The following SH3RF1 variants were observed in gnomAD, a reference collection of about 807,000 sequenced individuals.
SH3RF1 encodes the protein SH3 domain containing ring finger 1, also known as E3 ubiquitin-protein ligase SH3RF1.
In SH3RF1, 32 loss-of-function variants were observed where a neutral mutation model predicts 74.0. That is an observed-to-expected ratio of 0.43 (90% CI 0.33 to 0.58). The LOEUF (loss-of-function observed/expected upper bound fraction) is 0.58. SH3RF1 is among the 20% of genes least tolerant of loss of function. SH3RF1 has a pLI of 0.05. For missense variants in SH3RF1, 954 were observed against 1,130.9 expected (o/e 0.84, Z 2.24); for synonymous variants, 396 against 439.6 (o/e 0.90, Z 1.24).
chr4:169,161,247 CTG>C (rs1734144780), intron 2 of SH3RF1, among the ~76,000 whole-genome samples: 1 of 152,210 alleles, frequency 6.6e-6, no homozygotes, highest in Non-Finnish European at 1.5e-5. Flanking sequence ...GACAGGCAAA[CTG>C]TTACAGTAAT....
intron 2 of SH3RF1, among the ~76,000 whole-genome samples, chr4:169,198,610 T>C (rs1228344122): frequency 1.3e-5 from 2 of 152,158 alleles, no homozygotes; most frequent in Non-Finnish European, 2.9e-5. Context: ...TGAACTTTTT[T>C]AGAGCATCTA....
chr4:169,219,401 G>A (rs1730525386), intron 2 of SH3RF1, among the ~76,000 whole-genome samples: 1 of 152,080 alleles, frequency 6.6e-6, no homozygotes, highest in South Asian at 2.1e-4. Flanking sequence ...ACTCCAGTTA[G>A]GTATATATTC....
At position 169,268,900 on chromosome 4, in the gene SH3RF1, C is replaced by T. The variant is rs779861773; in HGVS notation, c.313G>A (p.Ala105Thr). Residue 105 changes from alanine (A) to threonine (T), a missense_variant, in exon 2 of 12, where the codon GCT (alanine) becomes ACT (threonine). By Grantham distance (58) the Ala-to-Thr change is moderately conservative. Around this residue, in one of 3 missense-constraint regions of SH3RF1, gnomAD observed 854 missense variants for 962.5 expected, o/e 0.89. Transcript: ENST00000284637. ...TGCAGATCTTTTGAGCTACAATTAG[C>T]CACAGTGCTGCTCTGAGACCTTAAT... ...NALRSQSSTVANCSSKDLQSS... is the reference protein window; with the variant it reads ...NALRSQSSTVTNCSSKDLQSS... 1.2e-6 allele frequency: 2 copies of T among 1,613,616 alleles called. No individual in the cohort carries two copies. Among genetic ancestry groups the T allele is most frequent in the Non-Finnish European group, 1.7e-6 (2 of 1,180,012 alleles).
intron 4 of SH3RF1, among the ~76,000 whole-genome samples, chr4:169,147,687 C>G (rs1360011471): frequency 6.6e-6 from 1 of 152,170 alleles, no homozygotes; most frequent in Non-Finnish European, 1.5e-5. Flanking sequence ...TTTTATAACA[C>G]TTAGGAAAAA....
intron 11 of SH3RF1, among the ~76,000 whole-genome samples, chr4:169,102,350 T>C (rs760754329): frequency 1.1e-4 from 17 of 152,164 alleles, no homozygotes; most frequent in Non-Finnish European, 2.2e-4. Context: ...AATTTGTATG[T>C]TTCCAAGTGT....
At chr4:169,230,179 A>G (rs1446050697) in intron 2 of SH3RF1, among the ~76,000 whole-genome samples, 1 of 152,226 alleles carries the variant, frequency 6.6e-6, no homozygotes, top group Non-Finnish European at 1.5e-5. Flanking sequence ...AGCCTGGGCC[A>G]CTAAATGAGA....
chr4:169,112,993 T>G (rs889641347), intron 10 of SH3RF1, among the ~76,000 whole-genome samples: 2 of 152,144 alleles, frequency 1.3e-5, no homozygotes, highest in Admixed American at 6.5e-5. Flanking sequence ...CTGAATTCAC[T>G]CCAGGGTACA....
rs577894257 is a variant in SH3RF1 at position 169,163,019 on chromosome 4, C to T, written c.394-6340G>A. On this transcript the variant is annotated intron_variant, in intron 2 of 11. Coordinates refer to ENST00000284637, the MANE Select transcript of SH3RF1 (RefSeq NM_020870.4). The stretch of plus-strand genomic sequence containing the variant: ...GTGTCTAACTCAGCTCTTGACCAAA[C>T]AGCAATCAGTCAATTATAGTCTCCA... Among the ~76,000 whole-genome samples the T allele has an allele frequency of 2.0e-5, 3 of 151,854 alleles. No individual in the cohort carries two copies. In the South Asian group the frequency reaches 6.2e-4, roughly 32 times the overall value.
chr4:169,261,741 A>T (rs1251601940), intron 2 of SH3RF1, among the ~76,000 whole-genome samples: 1 of 152,148 alleles, frequency 6.6e-6, no homozygotes, highest in South Asian at 2.1e-4. Context: ...TTTCTATTCA[A>T]TTTTTTGTCT....
At chr4:169,162,080 G>A (rs1298260292) in intron 2 of SH3RF1, among the ~76,000 whole-genome samples, 1 of 152,000 alleles carries the variant, frequency 6.6e-6, no homozygotes, top group African/African-American at 2.4e-5. Flanking sequence ...CGAGGCTGAG[G>A]CAGTAGGCAG....
chr4:169,188,400 A>G (rs1487688432), intron 2 of SH3RF1, among the ~76,000 whole-genome samples: 1 of 152,174 alleles, frequency 6.6e-6, no homozygotes, highest in Non-Finnish European at 1.5e-5. Context: ...ACTGTAAACA[A>G]TAGTGTCCAC....
chr4:169,238,164 A>G (rs890594627), intron 2 of SH3RF1, among the ~76,000 whole-genome samples: 1 of 152,212 alleles, frequency 6.6e-6, no homozygotes, highest in South Asian at 2.1e-4. Context: ...ATAGTCTTCA[A>G]TAAAGCTTTA....
intron 6 of SH3RF1, among the ~76,000 whole-genome samples, chr4:169,125,960 CAA>C (rs1319433216): frequency 6.6e-6 from 1 of 152,298 alleles, no homozygotes; most frequent in African/African-American, 2.4e-5. Flanking sequence ...CTACAAGAAA[CAA>C]GAGAGATATG....
intron 5 of SH3RF1, among the ~76,000 whole-genome samples, chr4:169,133,640 T>C (rs1733652083): frequency 6.8e-6 from 1 of 147,048 alleles, no homozygotes; most frequent in Admixed American, 6.8e-5. Context: ...TAGCCGGGTG[T>C]GGTGGTGGCG....
chr4:169,189,920 A>G (rs1734671185), intron 2 of SH3RF1, among the ~76,000 whole-genome samples: 1 of 152,224 alleles, frequency 6.6e-6, no homozygotes, highest in Non-Finnish European at 1.5e-5. Flanking sequence ...CAACTCCAAA[A>G]GGAACCTTCA....
At chr4:169,251,957 A>T (rs1266010361) in intron 2 of SH3RF1, among the ~76,000 whole-genome samples, 1 of 152,248 alleles carries the variant, frequency 6.6e-6, no homozygotes, top group Admixed American at 6.5e-5. Context: ...ATCACCTTTG[A>T]TCATACATGT....
At chr4:169,106,520 A>G (rs993938297) in intron 11 of SH3RF1, among the ~76,000 whole-genome samples, 1 of 152,146 alleles carries the variant, frequency 6.6e-6, no homozygotes, top group East Asian at 1.9e-4. Context: ...AATTAGTGGC[A>G]ACGGAATAGA....
rs567831689 is a variant in SH3RF1, at chr4:169,252,879, T to G, written c.393+15941A>C. Among the ~76,000 whole-genome samples the G allele has an allele frequency of 2.0e-5, 3 of 152,254 alleles. No individual in the cohort carries two copies. The East Asian group carries it at 5.8e-4, about 29-fold the overall frequency. Reference sequence around the variant, plus strand: ...AGTAACAGGCAGGATGGGTGGATTATAGCAAAGGGGAAGTTAAACAAAAAT... The same window carrying G: ...AGTAACAGGCAGGATGGGTGGATTAGAGCAAAGGGGAAGTTAAACAAAAAT... On this transcript the variant is annotated intron_variant, in intron 2 of 11. Coordinates refer to ENST00000284637, the MANE Select transcript of SH3RF1 (RefSeq NM_020870.4).
At chr4:169,191,617 A>G (rs1308505347) in intron 2 of SH3RF1, among the ~76,000 whole-genome samples, 1 of 152,204 alleles carries the variant, frequency 6.6e-6, no homozygotes, top group Non-Finnish European at 1.5e-5. Context: ...ACAAATCTGG[A>G]GGCATCACAT....
Sources: gnomAD v4.1 joint callset for allele counts (sites outside exome capture counted in the v4.1 genomes callset) on GRCh38, gnomAD v4.1.1 for gene constraint, gnomAD v4.1.1 regional missense constraint, MANE v1.5 for transcripts, NCBI Gene and HGNC (gene_info 2026-07-23, HGNC 2026-07-21) for gene names.